The following SAMD12 variants were observed in gnomAD, a reference collection of about 807,000 sequenced individuals.
SAMD12 encodes sterile alpha motif domain-containing protein 12.
In SAMD12, 9 loss-of-function variants were observed where a neutral mutation model predicts 15.0. The observed-to-expected ratio is 0.60, with a 90% CI of 0.36 to 1.05. The LOEUF (loss-of-function observed/expected upper bound fraction) is 1.05. SAMD12 is among the 50% of genes least tolerant of loss of function. The pLI, the probability that SAMD12 is intolerant of heterozygous loss-of-function variation, is 0.01. For synonymous variants in SAMD12, 86 were observed against 90.1 expected (o/e 0.96, Z 0.25); for missense variants, 230 against 234.2 (o/e 0.98, Z 0.12).
At chr8:118,203,238 A>G (rs1003625939) in intron 4 of SAMD12, among the ~76,000 whole-genome samples, 8 of 152,346 alleles carry the variant, frequency 5.3e-5, no homozygotes, top group Non-Finnish European at 1.2e-4. Flanking sequence ...TGCCATAAAT[A>G]AGAGGTTTGA....
chr8:118,354,558 G>C (rs1288540078), intron 4 of SAMD12, among the ~76,000 whole-genome samples: 1 of 152,130 alleles, frequency 6.6e-6, no homozygotes, highest in Non-Finnish European at 1.5e-5. Context: ...ATGCTCTTCA[G>C]TATGGTAGCT....
intron 2 of SAMD12, among the ~76,000 whole-genome samples, chr8:118,519,209 T>C (rs957670166): frequency 6.6e-5 from 10 of 152,210 alleles, no homozygotes; most frequent in Admixed American, 6.5e-4. Flanking sequence ...GGGAGGTCTG[T>C]GGTTCTCTAC....
At chr8:118,267,043 A>G (rs1025947653) in intron 4 of SAMD12, among the ~76,000 whole-genome samples, 3 of 152,166 alleles carry the variant, frequency 2.0e-5, no homozygotes, top group Admixed American at 1.3e-4. Context: ...GGCTTGACTT[A>G]GCCATTCTGT....
chr8:118,482,038 C>G (rs1824141069), intron 2 of SAMD12, among the ~76,000 whole-genome samples: 2 of 152,198 alleles, frequency 1.3e-5, no homozygotes, highest in Admixed American at 1.3e-4. Context: ...AATGGAAGAG[C>G]AGGGATTCAC....
chr8:118,472,397 T>C (rs986111472), intron 2 of SAMD12, among the ~76,000 whole-genome samples: 2 of 151,642 alleles, frequency 1.3e-5, no homozygotes, highest in Non-Finnish European at 2.9e-5. Flanking sequence ...TTTCAATAAG[T>C]ATAAAGAGGC....
At chr8:118,265,198 A>G (rs1813170711) in intron 4 of SAMD12, among the ~76,000 whole-genome samples, 1 of 152,142 alleles carries the variant, frequency 6.6e-6, no homozygotes, top group Non-Finnish European at 1.5e-5. Context: ...CAATATCTCA[A>G]AGAGGATTCA....
intron 2 of SAMD12, among the ~76,000 whole-genome samples, chr8:118,518,597 T>C (rs1356778272): frequency 6.6e-6 from 1 of 152,196 alleles, no homozygotes; most frequent in Admixed American, 6.5e-5. Context: ...AAATGTTTAT[T>C]GTGTTAAACT....
intron 4 of SAMD12, among the ~76,000 whole-genome samples, chr8:118,368,874 C>G (rs1818936849): frequency 6.6e-6 from 1 of 152,200 alleles, no homozygotes; most frequent in African/African-American, 2.4e-5. Context: ...TGCTTTTATA[C>G]AGGCTTCCCT....
chr8:118,179,924 C>T, the SAMD12 span, among the ~76,000 whole-genome samples: 2 of 152,354 alleles, frequency 1.3e-5, no homozygotes, highest in South Asian at 2.1e-4. Context: ...ACTATCACAG[C>T]TTAGCGTGGC....
rs532301706 is a variant in SAMD12, at chr8:118,494,041, A to G, written c.193-54080T>C. 4.6e-5 allele frequency among the ~76,000 whole-genome samples: 7 copies of G among 152,170 alleles called. No homozygotes were observed. In the East Asian group the frequency reaches 9.7e-4, roughly 21 times the overall value. On this transcript the variant is annotated intron_variant, in intron 2 of 3. Transcript: ENST00000314727. ...TGGTATTGTATTAGCCTCTATGTGTATTGGGCAGTGAGCTCACTGATTGCC... is the reference window on the plus strand; with the variant it reads ...TGGTATTGTATTAGCCTCTATGTGTGTTGGGCAGTGAGCTCACTGATTGCC...
chr8:118,179,306 G>A, the SAMD12 span, among the ~76,000 whole-genome samples: 4 of 151,928 alleles, frequency 2.6e-5, no homozygotes, highest in African/African-American at 9.7e-5. Flanking sequence ...GCGTGGTGGC[G>A]CATGCCTGTA....
At chr8:118,543,452 T>A (rs986875866) in intron 2 of SAMD12, among the ~76,000 whole-genome samples, 1 of 152,098 alleles carries the variant, frequency 6.6e-6, no homozygotes, top group African/African-American at 2.4e-5. Context: ...AAGCCAGCTT[T>A]TCTTTCCCTA....
At chr8:118,461,971 C>T (rs1484896556) in intron 2 of SAMD12, among the ~76,000 whole-genome samples, 2 of 152,222 alleles carry the variant, frequency 1.3e-5, no homozygotes, top group African/African-American at 4.8e-5. Context: ...GCATGCATTG[C>T]TATGGTATTT....
At chr8:118,540,325 T>A (rs1825955308) in intron 2 of SAMD12, among the ~76,000 whole-genome samples, 1 of 152,222 alleles carries the variant, frequency 6.6e-6, no homozygotes, top group Non-Finnish European at 1.5e-5. Context: ...AGTAATTTTT[T>A]AATTATAATA....
At chr8:118,171,410 T>C in the SAMD12 span, among the ~76,000 whole-genome samples, 2 of 151,354 alleles carry the variant, frequency 1.3e-5, no homozygotes, top group Non-Finnish European at 3.0e-5. Context: ...GTGTTACCTA[T>C]AACATAGAAG....
At chr8:118,527,151 A>G (rs1439753219) in intron 2 of SAMD12, among the ~76,000 whole-genome samples, 1 of 152,054 alleles carries the variant, frequency 6.6e-6, no homozygotes, top group Non-Finnish European at 1.5e-5. Flanking sequence ...TTGAGGCCAC[A>G]TTGTCTCTGT....
intron 1 of SAMD12, among the ~76,000 whole-genome samples, chr8:118,609,134 G>C (rs575066583): frequency 6.6e-6 from 1 of 152,314 alleles, no homozygotes; most frequent in South Asian, 2.1e-4. Context: ...GAACAAGTAA[G>C]ATAATGACTC....
At chr8:118,308,786 C>T (rs1282988045) in intron 4 of SAMD12, among the ~76,000 whole-genome samples, 2 of 151,892 alleles carry the variant, frequency 1.3e-5, no homozygotes, top group East Asian at 3.9e-4. Flanking sequence ...GTTCTAATAG[C>T]TGCTTAACAC....
At chr8:118,458,644 C>T (rs1046200231) in intron 2 of SAMD12, among the ~76,000 whole-genome samples, 26 of 152,226 alleles carry the variant, frequency 1.7e-4, no homozygotes, top group Middle Eastern at 3.4e-3. Flanking sequence ...TACTCATCAG[C>T]GAAGTCATTT....
Sources: allele counts gnomAD v4.1 joint callset (sites outside exome capture counted in the v4.1 genomes callset), GRCh38; gene constraint gnomAD v4.1.1; transcripts MANE v1.5; gene names NCBI Gene and HGNC (gene_info 2026-07-23, HGNC 2026-07-21).